The following AKAP8 variants were observed in gnomAD, a reference collection of about 807,000 sequenced individuals.
The protein encoded by AKAP8 is A-kinase anchoring protein 8.
In AKAP8, 24 loss-of-function variants were observed where a neutral mutation model predicts 67.5. The observed-to-expected ratio is 0.36, with a 90% confidence interval of 0.26 to 0.50. AKAP8 has a LOEUF of 0.50. AKAP8 is among the 20% of genes least tolerant of loss of function. The pLI, the probability that AKAP8 is intolerant of heterozygous loss-of-function variation, is 0.97. For synonymous variants in AKAP8, 400 were observed against 371.1 expected, an observed-to-expected ratio of 1.08 and a Z score of -0.90; for missense variants, 971 against 955.9, an observed-to-expected ratio of 1.02 and a Z score of -0.21.
rs778867868 is a variant in AKAP8 at position 15,379,704 on chromosome 19, A to G, written c.19+9T>C. Reference sequence around the variant, plus strand: ...CCTCCCCGCTCCGCACCCAGCAGCCAACACAAACCTCCGTAGCCCTGGTCC... The same window carrying G: ...CCTCCCCGCTCCGCACCCAGCAGCCGACACAAACCTCCGTAGCCCTGGTCC... On this transcript the variant is annotated intron_variant, in intron 1 of 13. Coordinates refer to ENST00000269701, the MANE Select transcript of AKAP8 (RefSeq NM_005858.4). The G allele has an allele frequency of 6.2e-7, 1 of 1,609,274 alleles. No homozygotes were observed. The highest frequency in any genetic ancestry group is 2.3e-5 in the East Asian group (1 of 44,392).
rs774155450 is a variant in AKAP8, at chr19:15,373,965, A to G, written c.192T>C (p.Asn64=). The G allele has an allele frequency of 6.2e-7, 1 of 1,613,668 alleles. No individual in the cohort carries two copies. The highest frequency in any genetic ancestry group is 1.3e-5 in the African/African-American group (1 of 74,998). ...GPASWEAAKA[N]DGGLAAGAPA... ...GGGCCCCGGCCGCCAGGCCGCCATC[A>G]TTGGCCTTGGCGGCCTCCCACGAGG... is the stretch of plus-strand genomic sequence containing the variant. Residue 64 remains asparagine (N), a synonymous_variant, in exon 4 of 14, where the codon AAT becomes AAC. Transcript: ENST00000269701.
Position 15,373,313 on chromosome 19 carries a change from G to T in AKAP8, c.399C>A (p.Ser133=). The change falls in exon 5 of 14, where the codon TCC becomes TCA. Residue 133 remains serine, a synonymous_variant. Coordinates refer to ENST00000269701, the MANE Select transcript of AKAP8 (RefSeq NM_005858.4). The part of the protein sequence containing the change: ...ESSFRFQPFE[S]YDSRPCLPEH... The stretch of plus-strand genomic sequence containing the variant: ...CCGGCAGGCAGGGCCTGGAGTCATA[G>T]GACTCGAACGGCTGGAAGCGGAAGG... 1.2e-6 allele frequency: 2 copies of T among 1,611,682 alleles called. No homozygotes were observed. The highest frequency in any genetic ancestry group is 1.7e-6 in the Non-Finnish European group (2 of 1,178,906).
intron 4 of AKAP8, 36 bp downstream of exon 4, chr19:15,373,750 G>A (rs749671935): frequency 2.5e-6 from 4 of 1,578,268 alleles, no homozygotes; most frequent in Admixed American, 3.4e-5. Context: ...GTGGGGATGT[G>A]TGGGGTCCCG....
At chr19:15,362,591 C>T (rs1311528258) in intron 9 of AKAP8, among the ~76,000 whole-genome samples, 18 of 150,884 alleles carry the variant, frequency 1.2e-4, no homozygotes, top group Middle Eastern at 3.5e-3. Context: ...AGCTCCTAAC[C>T]GCGAGTGATC....
intron 12 of AKAP8, among the ~76,000 whole-genome samples, chr19:15,360,530 C>T (rs557816995): frequency 3.4e-4 from 52 of 152,198 alleles, no homozygotes; most frequent in Non-Finnish European, 7.1e-4. Flanking sequence ...TAGTCCAAGT[C>T]CCCTGGGCCA....
chr19:15,372,864 C>G lies in AKAP8; in HGVS notation c.848G>C (p.Arg283Pro), dbSNP rs201087231. 6.7e-7 allele frequency: 1 copy of G among 1,500,486 alleles called. No individual in the cohort carries two copies. The highest frequency in any genetic ancestry group is 8.9e-7 in the Non-Finnish European group (1 of 1,125,390). 92.9% of individuals were successfully genotyped at this position (1,500,486 alleles called of 1,614,324 possible). Residue 283 changes from arginine to proline, a missense_variant, in exon 5 of 14, where the codon CGG becomes CCG. Arg to Pro is a moderately radical substitution (Grantham distance 103, BLOSUM62 -2). Transcript: ENST00000269701. ...YGCGRSQPRM[R>P]DRDRPKRRGF... ...GCGAGGGCTTACCCGATCCCGATCC[C>G]GCATCCGAGGCTGCGAGCGGCCACA...
intron 13 of AKAP8, among the ~76,000 whole-genome samples, chr19:15,356,452 G>C (rs1461347990): frequency 6.6e-6 from 1 of 151,296 alleles, no homozygotes; most frequent in Non-Finnish European, 1.5e-5. Context: ...CATGTAATAG[G>C]AAGTTAACAC....
intron 9 of AKAP8, among the ~76,000 whole-genome samples, chr19:15,364,771 T>A (rs1352418405): frequency 6.6e-6 from 1 of 152,200 alleles, no homozygotes; most frequent in Admixed American, 6.5e-5. Flanking sequence ...ATTACAGGCG[T>A]GAGCCACCGC....
rs986877373 is a variant in AKAP8, at chr19:15,353,688, GCCT to G, written c.*1224_*1226del. 6.6e-6 allele frequency: 1 copy of G among 152,070 alleles called. No homozygotes were observed. The highest frequency in any genetic ancestry group is 1.5e-5 in the Non-Finnish European group (1 of 68,018). The allele number at this position is 152,070 out of a possible 1,614,324, so 9.4% of individuals were successfully genotyped here. On this transcript the variant is annotated 3_prime_UTR_variant, in exon 14 of 14. Coordinates refer to ENST00000269701, the MANE Select transcript of AKAP8 (RefSeq NM_005858.4). ...GTAGAGGCTCGGCAAATATTCTACA[GCCT>G]CCTTTCTAATGATTTCCCAGTGGCC... is the stretch of plus-strand genomic sequence containing the variant.
At chr19:15,379,617 C>A (rs966141117) in intron 1 of AKAP8, 96 bp downstream of exon 1, 1 of 1,445,992 alleles carries the variant, frequency 6.9e-7, no homozygotes, top group East Asian at 2.8e-5. Context: ...CAACCACGCT[C>A]GGGACGAAGG....
intron 3 of AKAP8, 148 bp from the exon 4 acceptor site, chr19:15,374,213 GACCTGCC>G: frequency 9.8e-7 from 1 of 1,018,788 alleles, no homozygotes; most frequent in Non-Finnish European, 1.4e-6. Context: ...ACTGCACTGT[GACCTGCC>G]AAGAGGCAGC....
At chr19:15,370,217 G>A (rs1967132157) in intron 7 of AKAP8, 38 bp from the exon 8 acceptor site, 1 of 1,613,030 alleles carries the variant, frequency 6.2e-7, no homozygotes, top group Admixed American at 1.7e-5. Flanking sequence ...CAGTGAGCTG[G>A]TGTGTCCAGA....
Position 15,373,186 on chromosome 19 carries a change from G to A in AKAP8, c.526C>T (p.Pro176Ser), listed in dbSNP as rs773646159. Residue 176 changes from proline to serine, a missense_variant, in exon 5 of 14, where the codon CCA becomes TCA. Coordinates refer to ENST00000269701, the MANE Select transcript of AKAP8 (RefSeq NM_005858.4). ...FGGQYSECRD[P>S]ARERGSLDGF... is the part of the protein sequence containing the mutation. ...TCAAGGGAGCCCCGCTCCCGGGCTG[G>A]GTCTCGGCATTCACTGTACTGCCCC... The A allele has an allele frequency of 1.2e-6, 2 of 1,613,608 alleles. No homozygotes were observed. Among genetic ancestry groups the A allele is most frequent in the African/African-American group, 2.7e-5 (2 of 74,936 alleles).
At chr19:15,377,083 C>G (rs1031488442) in intron 1 of AKAP8, 69 bp from the exon 2 acceptor site, 1 of 1,539,248 alleles carries the variant, frequency 6.5e-7, no homozygotes, top group East Asian at 2.4e-5. Flanking sequence ...TGGGGGTACT[C>G]CTAAAGGGAT....
chr19:15,376,248 C>T (rs1381286151), intron 2 of AKAP8, among the ~76,000 whole-genome samples: 3 of 152,034 alleles, frequency 2.0e-5, no homozygotes, highest in Non-Finnish European at 4.4e-5. Context: ...TGAGGCCAGG[C>T]GTGGTGGCTC....
intron 7 of AKAP8, 89 bp downstream of exon 7, chr19:15,371,863 G>A: frequency 7.0e-7 from 1 of 1,431,152 alleles, no homozygotes; most frequent in Non-Finnish European, 9.7e-7. Context: ...ATCTACCATG[G>A]CAGCTGCTCC....
chr19:15,368,158 CGA>C lies in AKAP8; in HGVS notation c.1160+75_1160+76del, dbSNP rs1278143219. The C allele has an allele frequency of 9.5e-6, 15 of 1,571,280 alleles. No individual in the cohort carries two copies. The African/African-American group carries it at 1.5e-4, about 15-fold the overall frequency. The stretch of plus-strand genomic sequence containing the variant: ...CCACCAGGCCCCCAGCATTGTGGAG[CGA>C]GGACAGGTGAGCTCGGCAGCGCCTC... On this transcript the variant is annotated intron_variant, in intron 9 of 13. Transcript: ENST00000269701.
intron 13 of AKAP8, among the ~76,000 whole-genome samples, chr19:15,357,999 A>G (rs1966907087): frequency 1.3e-5 from 2 of 151,970 alleles, no homozygotes; most frequent in African/African-American, 4.8e-5. Flanking sequence ...TGTTTCTTCA[A>G]TTGGTTATTT....
chr19:15,379,697 A>G lies in AKAP8; in HGVS notation c.19+16T>C, dbSNP rs533328820. On this transcript the variant is annotated intron_variant, in intron 1 of 13. Coordinates refer to ENST00000269701, the MANE Select transcript of AKAP8 (RefSeq NM_005858.4). ...AGCCTTCCCTCCCCGCTCCGCACCC[A>G]GCAGCCAACACAAACCTCCGTAGCC... The G allele has an allele frequency of 4.4e-6, 7 of 1,608,428 alleles. No homozygotes were observed. In the East Asian group the frequency reaches 1.1e-4, roughly 26 times the overall value.
Sources: gnomAD v4.1 joint callset for allele counts (sites outside exome capture counted in the v4.1 genomes callset) on GRCh38, gnomAD v4.1.1 for gene constraint, MANE v1.5 for transcripts, NCBI Gene and HGNC (gene_info 2026-07-23, HGNC 2026-07-21) for gene names.